IMPA1: variants seen among roughly 807,000 people sequenced by gnomAD.
IMPA1 encodes the protein D-galactose 1-phosphate phosphatase.
In IMPA1, 21 loss-of-function variants were observed where a neutral mutation model predicts 34.9. The observed-to-expected ratio is 0.60, with a 90% CI of 0.43 to 0.87. The LOEUF is 0.87. Among genes scored for constraint, IMPA1 ranks in the 40% least tolerant of loss-of-function variants. IMPA1 has a pLI of 0.00. For missense variants in IMPA1, 299 were observed against 336.4 expected (o/e 0.89, Z 0.87); for synonymous variants, 95 against 104.4 (o/e 0.91, Z 0.55).
intron 1 of IMPA1, 21 bp from the exon 2 acceptor site, chr8:81,681,605 T>A (rs767087063): frequency 7.5e-7 from 1 of 1,335,750 alleles, no homozygotes; most frequent in Non-Finnish European, 1.1e-6. Context: ...TAGTTATAAC[T>A]GTCTTAGAAG....
Position 81,680,688 on chromosome 8 carries a change from C to T in IMPA1, c.159G>A (p.Met53Ile). 6.2e-7 allele frequency: 1 copy of T among 1,612,584 alleles called. No individual in the cohort carries two copies. Among genetic ancestry groups the T allele is most frequent in the Admixed American group, 1.7e-5 (1 of 59,834 alleles). The change falls in exon 3 of 9, where the codon ATG becomes ATA. Residue 53 changes from methionine to isoleucine, a missense_variant. Physicochemically the swap from Met to Ile is conservative, Grantham distance 10. Transcript: ENST00000256108. ...VTATDQKVEKMLISSIKEKYP... is the reference protein window; with the variant it reads ...VTATDQKVEKILISSIKEKYP... Reference sequence around the variant, plus strand: ...ACTTTTCCTTTATGGAAGAGATAAGCATTTTTTCAACTTTTTGGTCCGTAG... The same window carrying T: ...ACTTTTCCTTTATGGAAGAGATAAGTATTTTTTCAACTTTTTGGTCCGTAG...
intron 8 of IMPA1, 103 bp from the exon 9 acceptor site, chr8:81,659,569 T>C (rs1806604647): frequency 1.5e-6 from 1 of 663,236 alleles, no homozygotes; most frequent in Admixed American, 2.8e-5. Context: ...ATTTTAATAC[T>C]TTCAGTTTTC....
intron 4 of IMPA1, chr8:81,678,692 T>TA (rs762409199): frequency 0.019 from 3,064 of 157,614 alleles, 11 homozygotes; most frequent in South Asian, 0.044. Context: ...AACTCCATCT[T>TA]AAAAAAAAAA....
At position 81,665,726 on chromosome 8, in the gene IMPA1, T is replaced by C. The variant is rs73695827; in HGVS notation, c.567-5059A>G. Among the ~76,000 whole-genome samples, 1,189 of 152,154 alleles carry C rather than the reference T, an allele frequency of 7.8e-3. 21 individuals carry two copies. The highest frequency in any genetic ancestry group is 0.026 in the African/African-American group (1,098 of 41,536). ...AAAAAAACAGCCTCCAGTTAAAAGA[T>C]AAAATAATGTAAAAGCCAAGAAAAA... On this transcript the variant is annotated intron_variant, in intron 7 of 8. Coordinates refer to ENST00000256108, the MANE Select transcript of IMPA1 (RefSeq NM_005536.4).
At chr8:81,665,114 C>T (rs941565587) in intron 7 of IMPA1, among the ~76,000 whole-genome samples, 1 of 151,958 alleles carries the variant, frequency 6.6e-6, no homozygotes, top group African/African-American at 2.4e-5. Context: ...TGCAAAACAT[C>T]GAACGCTGTT....
intron 2 of IMPA1, among the ~76,000 whole-genome samples, chr8:81,681,133 C>T (rs979016371): frequency 2.6e-5 from 4 of 152,084 alleles, no homozygotes; most frequent in South Asian, 2.1e-4. Flanking sequence ...TGGTGGTTCA[C>T]GCACGTAATC....
In IMPA1 at chr8:81,681,595, T is replaced by C. The variant is rs371694206; in HGVS notation, c.-24-11A>G. The C allele has an allele frequency of 6.2e-6, 9 of 1,458,670 alleles. No homozygotes were observed. The South Asian group carries it at 8.0e-5, about 13-fold the overall frequency. The allele number at this position is 1,458,670 out of a possible 1,614,324, so 90.4% of individuals were successfully genotyped here. On this transcript the variant is annotated splice_polypyrimidine_tract_variant and intron_variant, in intron 1 of 8. Transcript: ENST00000256108. Reference sequence around the variant, plus strand: ...ATATTTGACAAATATCTGTACAAAGTAGTTATAACTGTCTTAGAAGTCTTA... The same window carrying C: ...ATATTTGACAAATATCTGTACAAAGCAGTTATAACTGTCTTAGAAGTCTTA...
At chr8:81,679,329 G>A in intron 3 of IMPA1, 99 bp from the exon 4 acceptor site, 1 of 830,396 alleles carries the variant, frequency 1.2e-6, no homozygotes, top group Non-Finnish European at 2.0e-6. Flanking sequence ...ATAAAACATA[G>A]CAGGCGAGGT....
rs61755742 is a variant in IMPA1 at position 81,680,691 on chromosome 8, T to C, written c.156A>G (p.Lys52=). The change falls in exon 3 of 9, where the codon AAA becomes AAG. Residue 52 remains lysine, a synonymous_variant. Transcript: ENST00000256108. ...TTTCCTTTATGGAAGAGATAAGCATTTTTTCAACTTTTTGGTCCGTAGCAG... is the reference window on the plus strand; with the variant it reads ...TTTCCTTTATGGAAGAGATAAGCATCTTTTCAACTTTTTGGTCCGTAGCAG... ...LVTATDQKVE[K]MLISSIKEKY... 9 of 1,612,798 alleles carry C rather than the reference T, an allele frequency of 5.6e-6. No individual in the cohort carries two copies. The highest frequency in any genetic ancestry group is 7.6e-6 in the Non-Finnish European group (9 of 1,179,228).
intron 7 of IMPA1, among the ~76,000 whole-genome samples, chr8:81,665,875 A>C (rs1806804489): frequency 6.6e-6 from 1 of 152,230 alleles, no homozygotes; most frequent in Non-Finnish European, 1.5e-5. Flanking sequence ...TTCAAGTCTC[A>C]AGGCCACAGA....
At chr8:81,666,113 A>C (rs1806812324) in intron 7 of IMPA1, among the ~76,000 whole-genome samples, 1 of 152,236 alleles carries the variant, frequency 6.6e-6, no homozygotes, top group South Asian at 2.1e-4. Flanking sequence ...GACAGAATGC[A>C]ACTTTAAAAA....
chr8:81,661,935 T>A (rs541807975), intron 7 of IMPA1, among the ~76,000 whole-genome samples: 3 of 152,348 alleles, frequency 2.0e-5, no homozygotes, highest in African/African-American at 7.2e-5. Context: ...ATGAGATCTT[T>A]CACAGTTTAT....
intron 7 of IMPA1, among the ~76,000 whole-genome samples, chr8:81,667,980 C>T (rs1302666014): frequency 2.0e-5 from 3 of 151,974 alleles, no homozygotes; most frequent in Non-Finnish European, 2.9e-5. Flanking sequence ...CCCGCCACCA[C>T]GCCTGGCTAA....
At chr8:81,660,462 T>C (rs552265076) in intron 8 of IMPA1, 54 bp downstream of exon 8, 2 of 1,546,078 alleles carry the variant, frequency 1.3e-6, no homozygotes, top group African/African-American at 1.4e-5. Context: ...ATTCTACATA[T>C]GGACAAAAGT....
chr8:81,677,498 C>T (rs1281945696), intron 4 of IMPA1, among the ~76,000 whole-genome samples: 4 of 152,200 alleles, frequency 2.6e-5, no homozygotes, highest in African/African-American at 9.6e-5. Flanking sequence ...AAACTTTAGG[C>T]TTGGCCTCTG....
At chr8:81,672,540 C>T (rs1260612015) in intron 6 of IMPA1, among the ~76,000 whole-genome samples, 3 of 152,136 alleles carry the variant, frequency 2.0e-5, no homozygotes, top group Non-Finnish European at 4.4e-5. Flanking sequence ...AATGAGAATT[C>T]CTGAGTACAA....
chr8:81,665,306 C>T (rs991065825), intron 7 of IMPA1, among the ~76,000 whole-genome samples: 1 of 151,680 alleles, frequency 6.6e-6, no homozygotes, highest in Non-Finnish European at 1.5e-5. Context: ...GACCAAAATA[C>T]GTACATAAAA....
At chr8:81,673,024 C>A (rs1326914934) in intron 6 of IMPA1, among the ~76,000 whole-genome samples, 2 of 152,216 alleles carry the variant, frequency 1.3e-5, no homozygotes, top group African/African-American at 4.8e-5. Context: ...AAACCTGCCT[C>A]CCATTTAATT....
chr8:81,671,177 A>C, intron 6 of IMPA1, 130 bp from the exon 7 acceptor site: 1 of 479,660 alleles, frequency 2.1e-6, no homozygotes, highest in East Asian at 3.6e-5. Flanking sequence ...TAAATAATAA[A>C]ATACTGATAA....
Sources: gnomAD v4.1 joint callset for allele counts (sites outside exome capture counted in the v4.1 genomes callset) on GRCh38, gnomAD v4.1.1 for gene constraint, MANE v1.5 for transcripts, NCBI Gene and HGNC (gene_info 2026-07-23, HGNC 2026-07-21) for gene names.